Variants in CRADD observed in about 807,000 individuals in gnomAD.
CRADD encodes death domain-containing protein CRADD.
A neutral mutation model predicts 15.5 loss-of-function variants in CRADD; 9 were observed. That is an observed-to-expected ratio of 0.58 (90% CI 0.35 to 1.01). The LOEUF (loss-of-function observed/expected upper bound fraction) is 1.01, where lower values mean the gene tolerates loss of function less well. CRADD is among the 50% of genes least tolerant of loss of function. The pLI, the probability that CRADD is intolerant of heterozygous loss-of-function variation, is 0.02. For synonymous variants in CRADD, 118 were observed against 107.6 expected (o/e 1.10, Z -0.60); for missense variants, 227 against 250.3 (o/e 0.91, Z 0.63).
chr12:93,866,259 G>A (rs552194593), intron 2 of CRADD, among the ~76,000 whole-genome samples: 3 of 152,118 alleles, frequency 2.0e-5, no homozygotes, highest in East Asian at 3.9e-4. Flanking sequence ...ATGACTCATA[G>A]TGTTTGGATA....
chr12:93,705,689 C>T (rs1431240869), intron 2 of CRADD, among the ~76,000 whole-genome samples: 1 of 152,178 alleles, frequency 6.6e-6, no homozygotes, highest in East Asian at 1.9e-4. Flanking sequence ...GTAATGGCTC[C>T]TAGAGCTGGA....
rs1565938962 is a variant in CRADD, at chr12:93,850,202, C to T, written c.531C>T (p.Phe177=). The T allele has an allele frequency of 1.2e-6, 2 of 1,613,376 alleles. No homozygotes were observed. The highest frequency in any genetic ancestry group is 1.7e-6 in the Non-Finnish European group (2 of 1,179,610). ...AGCGCTTCGGGAAGCAGGCCACCTT[C>T]CAGAGCCTGCACAACGGGCTGCGGG... ...WRQRFGKQAT[F]QSLHNGLRAV... is the part of the protein sequence containing the mutation. Residue 177 remains phenylalanine (F), a synonymous_variant, in exon 3 of 3, where the codon TTC becomes TTT. Transcript: ENST00000332896. The surrounding 1 kb of genome is among the most constrained non-coding windows in gnomAD (Gnocchi z 4.0).
intron 2 of CRADD, among the ~76,000 whole-genome samples, chr12:93,781,189 T>G (rs1957206321): frequency 6.6e-6 from 1 of 151,982 alleles, no homozygotes; most frequent in Non-Finnish European, 1.5e-5. Context: ...ATGAGACAGT[T>G]TGAGCATCAA....
At chr12:93,779,613 A>G (rs1417378143) in intron 2 of CRADD, among the ~76,000 whole-genome samples, 1 of 146,928 alleles carries the variant, frequency 6.8e-6, no homozygotes, top group Non-Finnish European at 1.5e-5. Flanking sequence ...TTTTTGAGAC[A>G]GAGTCTCACT....
In CRADD at chr12:93,759,415, T is replaced by C. The variant is rs573686314; in HGVS notation, c.298+80343T>C. Among the ~76,000 whole-genome samples the C allele has an allele frequency of 2.3e-5, 3 of 131,798 alleles. No homozygotes were observed. The South Asian group carries it at 9.2e-4, about 41-fold the overall frequency. The allele number at this position is 131,798 out of a possible 152,430, so 86.5% of individuals were successfully genotyped here. On this transcript the variant is annotated intron_variant, in intron 2 of 2. Transcript: ENST00000332896. ...CTTCCTTTCTTTGCTTAGAACTAGC[T>C]CGAGAAAGGAAAAAAAAAATCTTCT... is the stretch of plus-strand genomic sequence containing the variant.
At chr12:93,743,394 C>G (rs1211788817) in intron 2 of CRADD, among the ~76,000 whole-genome samples, 1 of 151,984 alleles carries the variant, frequency 6.6e-6, no homozygotes, top group African/African-American at 2.4e-5. Flanking sequence ...TGCAGTGGGT[C>G]CAACTCAGTT....
chr12:93,787,177 A>C (rs1354586631), intron 2 of CRADD, among the ~76,000 whole-genome samples: 1 of 141,744 alleles, frequency 7.1e-6, no homozygotes, highest in Non-Finnish European at 1.5e-5. Flanking sequence ...TATTCTTAGA[A>C]GGTGGATTTG....
intron 2 of CRADD, among the ~76,000 whole-genome samples, chr12:93,764,242 G>C (rs1191480465): frequency 2.1e-5 from 3 of 146,128 alleles, no homozygotes; most frequent in Non-Finnish European, 4.5e-5. Context: ...CAGTGAATTG[G>C]AAGTGACAAG....
intron 2 of CRADD, among the ~76,000 whole-genome samples, chr12:93,887,283 C>A (rs542497071): frequency 4.6e-5 from 7 of 152,358 alleles, no homozygotes; most frequent in Admixed American, 3.3e-4. Flanking sequence ...GTCTCAGCTT[C>A]TGCTGCCTCT....
intron 2 of CRADD, among the ~76,000 whole-genome samples, chr12:93,860,353 A>C (rs1165470690): frequency 6.6e-6 from 1 of 152,212 alleles, no homozygotes; most frequent in African/African-American, 2.4e-5. Flanking sequence ...AATTTGGACC[A>C]ATCATGGAAC....
At chr12:93,792,918 C>A (rs1248562237) in intron 2 of CRADD, among the ~76,000 whole-genome samples, 2 of 152,110 alleles carry the variant, frequency 1.3e-5, no homozygotes, top group Non-Finnish European at 1.5e-5. Flanking sequence ...AAAATGTTAA[C>A]AATATATAGA....
intron 2 of CRADD, chr12:93,737,813 T>G (rs551308899): frequency 6.5e-6 from 1 of 154,660 alleles, no homozygotes; most frequent in East Asian, 1.9e-4. Flanking sequence ...GTGTAGTCAG[T>G]TTATAGTTCT....
chr12:93,779,588 A>T (rs1018269279), intron 2 of CRADD, among the ~76,000 whole-genome samples: 1 of 139,302 alleles, frequency 7.2e-6, no homozygotes, highest in Non-Finnish European at 1.6e-5. Context: ...AAAAAGAAAG[A>T]ACCTTTTTTT....
At chr12:93,691,815 CA>C (rs1386583498) in intron 2 of CRADD, among the ~76,000 whole-genome samples, 1 of 151,948 alleles carries the variant, frequency 6.6e-6, no homozygotes, top group Non-Finnish European at 1.5e-5. Flanking sequence ...CAAGAAAATC[CA>C]GAGAAATAAT....
At chr12:93,861,898 A>G (rs1958322648) in intron 2 of CRADD, among the ~76,000 whole-genome samples, 2 of 152,162 alleles carry the variant, frequency 1.3e-5, no homozygotes, top group South Asian at 2.1e-4. Context: ...TTGAATTGTA[A>G]TAATCCCCAG....
exon 3 of CRADD, chr12:93,894,221 C>A: frequency 5.0e-6 from 3 of 600,792 alleles, no homozygotes; most frequent in African/African-American, 1.8e-5. Context: ...GGACATTTGA[C>A]AATGTCTGGA....
chr12:93,752,061 C>G (rs1170616913), intron 2 of CRADD, among the ~76,000 whole-genome samples: 1 of 152,164 alleles, frequency 6.6e-6, no homozygotes, highest in South Asian at 2.1e-4. Flanking sequence ...TCTGTACTTG[C>G]CAAGGGTGGG....
intron 2 of CRADD, among the ~76,000 whole-genome samples, chr12:93,730,212 C>T (rs17021525): frequency 0.021 from 3,137 of 152,302 alleles, 81 homozygotes; most frequent in East Asian, 0.093. Context: ...TCCTAGATCA[C>T]ACATTTAGCA....
intron 2 of CRADD, among the ~76,000 whole-genome samples, chr12:93,861,688 C>T (rs1309934034): frequency 6.6e-6 from 1 of 152,200 alleles, no homozygotes; most frequent in Non-Finnish European, 1.5e-5. Context: ...TCTTCCTTTC[C>T]ACAGGCATTG....
Sources: gnomAD v4.1 joint callset for allele counts (sites outside exome capture counted in the v4.1 genomes callset) on GRCh38, gnomAD v4.1.1 for gene constraint, Gnocchi (gnomAD v3.1) non-coding constraint, MANE v1.5 for transcripts, NCBI Gene and HGNC (gene_info 2026-07-23, HGNC 2026-07-21) for gene names.